Variants in BAIAP2L1 observed in about 807,000 individuals in gnomAD.
BAIAP2L1 encodes BAR/IMD domain-containing adapter protein 2-like 1.
Under a neutral mutation model 66.3 loss-of-function variants are expected in BAIAP2L1, and 35 were observed. The observed-to-expected ratio is 0.53, with a 90% confidence interval of 0.40 to 0.70. The LOEUF (loss-of-function observed/expected upper bound fraction) is 0.70, where lower values mean the gene tolerates loss of function less well. Among genes scored for constraint, BAIAP2L1 ranks in the 30% least tolerant of loss-of-function variants. The pLI, the probability that BAIAP2L1 is intolerant of heterozygous loss-of-function variation, is 0.00. For synonymous variants in BAIAP2L1, 269 were observed against 248.7 expected, an observed-to-expected ratio of 1.08 and a Z score of -0.77; for missense variants, 622 against 656.9, an observed-to-expected ratio of 0.95 and a Z score of 0.58.
chr7:98,353,795 A>C (rs1802058847), intron 3 of BAIAP2L1, among the ~76,000 whole-genome samples: 1 of 149,522 alleles, frequency 6.7e-6, no homozygotes, highest in Non-Finnish European at 1.5e-5. Context: ...CCCCGTCTCT[A>C]CTAAAAATAC....
At chr7:98,365,471 T>C (rs1378155249) in intron 1 of BAIAP2L1, among the ~76,000 whole-genome samples, 1 of 152,226 alleles carries the variant, frequency 6.6e-6, no homozygotes, top group East Asian at 1.9e-4. Context: ...TTGCTCTTTT[T>C]GTTTTGGTTT....
At chr7:98,315,296 T>A (rs1226895752) in intron 7 of BAIAP2L1, among the ~76,000 whole-genome samples, 164 bp downstream of exon 7, 2 of 152,152 alleles carry the variant, frequency 1.3e-5, no homozygotes, top group African/African-American at 4.8e-5. Flanking sequence ...TAGTTTTTTT[T>A]TTATTATTTT....
Position 98,291,737 on chromosome 7 carries a change from C to T in BAIAP2L1, c.*1784G>A, listed in dbSNP as rs974457184. Reference sequence around the variant, plus strand: ...TCGGTGCCAAGGACCAGGCCATGCCCGTTCTGGTCTGGGAGGCAGAACCTG... The same window carrying T: ...TCGGTGCCAAGGACCAGGCCATGCCTGTTCTGGTCTGGGAGGCAGAACCTG... On this transcript the variant is annotated 3_prime_UTR_variant, in exon 14 of 14. Transcript: ENST00000005260. 2.8e-4 allele frequency: 50 copies of T among 180,784 alleles called. 1 individual carries two copies. Among genetic ancestry groups the T allele is most frequent in the Non-Finnish European group, 9.6e-5 (9 of 93,346 alleles). 11.2% of individuals were successfully genotyped at this position (180,784 alleles called of 1,614,324 possible).
At position 98,393,141 on chromosome 7, in the gene BAIAP2L1, G is replaced by A. The variant is rs773022914; in HGVS notation, c.51+7661C>T. 4.7e-5 allele frequency among the ~76,000 whole-genome samples: 5 copies of A among 105,694 alleles called. 1 individual carries two copies. Among genetic ancestry groups the A allele is most frequent in the Non-Finnish European group, 7.6e-5 (4 of 52,766 alleles). 69.3% of individuals were successfully genotyped at this position (105,694 alleles called of 152,430 possible). ...CATATATGTATATATACACACATAT[G>A]TGTACATATATATGTACACATATAT... On this transcript the variant is annotated intron_variant, in intron 1 of 13. Transcript: ENST00000005260.
chr7:98,319,972 G>T, intron 5 of BAIAP2L1, 86 bp downstream of exon 5: 2 of 1,055,624 alleles, frequency 1.9e-6, no homozygotes, highest in Non-Finnish European at 2.9e-6. Flanking sequence ...GTCTGCTGCT[G>T]ATGAGTCAAC....
At chr7:98,334,108 A>C (rs1801559346) in intron 3 of BAIAP2L1, among the ~76,000 whole-genome samples, 1 of 152,222 alleles carries the variant, frequency 6.6e-6, no homozygotes, top group East Asian at 1.9e-4. Flanking sequence ...TGTTAATATG[A>C]AATGAGAAAT....
rs144798476 is a variant in BAIAP2L1, at chr7:98,343,762, G to A, written c.214+11280C>T. ...ACACAAGAGATCTTCTACTGTCTGG[G>A]TAAGGGCCAAATTGCAAAAACTTTA... On this transcript the variant is annotated intron_variant, in intron 3 of 13. Transcript: ENST00000005260. Among the ~76,000 whole-genome samples the A allele has an allele frequency of 8.5e-5, 13 of 152,306 alleles. No individual in the cohort carries two copies. The East Asian group carries it at 2.5e-3, about 29-fold the overall frequency.
chr7:98,398,204 T>C (rs1475700672), intron 1 of BAIAP2L1, among the ~76,000 whole-genome samples: 4 of 151,996 alleles, frequency 2.6e-5, no homozygotes, highest in African/African-American at 7.3e-5. Flanking sequence ...TTAGGTAATA[T>C]AGAGGACATC....
chr7:98,356,665 TAAAA>T (rs35660519), intron 2 of BAIAP2L1, among the ~76,000 whole-genome samples: 10 of 106,754 alleles, frequency 9.4e-5, no homozygotes, highest in African/African-American at 1.1e-4. Context: ...CCTGGCTAAT[TAAAA>T]AAAAAAAAAA....
At chr7:98,295,959 C>A (rs1362655697) in intron 12 of BAIAP2L1, among the ~76,000 whole-genome samples, 1 of 152,180 alleles carries the variant, frequency 6.6e-6, no homozygotes, top group African/African-American at 2.4e-5. Flanking sequence ...TGCCTGGGGC[C>A]CAACAATCCT....
At chr7:98,318,382 G>A (rs897808519) in intron 5 of BAIAP2L1, among the ~76,000 whole-genome samples, 5 of 151,762 alleles carry the variant, frequency 3.3e-5, no homozygotes, top group Admixed American at 6.6e-5. Flanking sequence ...TCTGCCTCCC[G>A]GGTTCAAGTG....
chr7:98,397,011 A>G (rs1803225655), intron 1 of BAIAP2L1, among the ~76,000 whole-genome samples: 1 of 152,216 alleles, frequency 6.6e-6, no homozygotes, highest in African/African-American at 2.4e-5. Flanking sequence ...GGAATACAAA[A>G]ACAAAAACAA....
chr7:98,352,676 A>C (rs1350358279), intron 3 of BAIAP2L1, among the ~76,000 whole-genome samples: 3 of 152,178 alleles, frequency 2.0e-5, no homozygotes, highest in Admixed American at 6.6e-5. Context: ...CCATAGATAT[A>C]TACATGCACA....
rs538346506 is a variant in BAIAP2L1, at chr7:98,301,637, CAGAA to C, written c.1422+2555_1422+2558del. ...CGGCCAAGCCTTCTAGCTTTCAAGA[CAGAA>C]AGGGGGAACCTGAAGATGATGGTGT... On this transcript the variant is annotated intron_variant, in intron 12 of 13. Coordinates refer to ENST00000005260, the MANE Select transcript of BAIAP2L1 (RefSeq NM_018842.5). Among the ~76,000 whole-genome samples, 230 of 152,124 alleles carry C rather than the reference CAGAA, an allele frequency of 1.5e-3. 1 individual carries two copies. The highest frequency in any genetic ancestry group is 4.4e-3 in the African/African-American group (182 of 41,508).
At chr7:98,388,020 T>C (rs1271484082) in intron 1 of BAIAP2L1, among the ~76,000 whole-genome samples, 1 of 152,138 alleles carries the variant, frequency 6.6e-6, no homozygotes, top group African/African-American at 2.4e-5. Context: ...TTCAGTCATT[T>C]GTAAATAAGG....
In BAIAP2L1 at chr7:98,319,632, C is replaced by T. The variant is rs979959363; in HGVS notation, c.348+426G>A. Among the ~76,000 whole-genome samples the T allele has an allele frequency of 2.0e-5, 3 of 151,568 alleles. 1 individual carries two copies. The highest frequency in any genetic ancestry group is 1.5e-5 in the Non-Finnish European group (1 of 67,944). Reference sequence around the variant, plus strand: ...CGCAATCTTGGCTCACTGCAACCTCCGCCTCCCCGGTTCAAGCCATTCTCC... The same window carrying T: ...CGCAATCTTGGCTCACTGCAACCTCTGCCTCCCCGGTTCAAGCCATTCTCC... On this transcript the variant is annotated intron_variant, in intron 5 of 13. Coordinates refer to ENST00000005260, the MANE Select transcript of BAIAP2L1 (RefSeq NM_018842.5).
intron 3 of BAIAP2L1, among the ~76,000 whole-genome samples, chr7:98,352,369 C>A (rs913562853): frequency 2.6e-5 from 4 of 152,174 alleles, no homozygotes; most frequent in Non-Finnish European, 5.9e-5. Flanking sequence ...TGGCTGGGCA[C>A]GGTGGCACAC....
chr7:98,297,405 G>T (rs1488600543), intron 12 of BAIAP2L1, among the ~76,000 whole-genome samples: 1 of 152,176 alleles, frequency 6.6e-6, no homozygotes, highest in African/African-American at 2.4e-5. Flanking sequence ...TTTCCCTTGG[G>T]CTGCAGCAGA....
intron 1 of BAIAP2L1, among the ~76,000 whole-genome samples, chr7:98,392,072 A>C (rs1803058667): frequency 6.6e-6 from 1 of 151,258 alleles, no homozygotes; most frequent in African/African-American, 2.4e-5. Flanking sequence ...ACGACGGTGC[A>C]CGACTGTAGT....
Sources: allele counts gnomAD v4.1 joint callset (sites outside exome capture counted in the v4.1 genomes callset), GRCh38; gene constraint gnomAD v4.1.1; transcripts MANE v1.5; gene names NCBI Gene and HGNC (gene_info 2026-07-23, HGNC 2026-07-21).